The following CDH13 variants were observed in gnomAD, a reference collection of about 807,000 sequenced individuals.
The protein encoded by CDH13 is cadherin 13.
CDH13 carries 24 observed loss-of-function variants against 63.8 expected under a neutral mutation model. The ratio of observed to expected loss-of-function variants is 0.38; its 90% CI spans 0.27 to 0.53. CDH13 has a LOEUF of 0.53. CDH13 is among the 20% of genes least tolerant of loss of function. The pLI is 0.85. For missense variants in CDH13, 1,049 were observed against 903.1 expected (o/e 1.16, Z -2.07); for synonymous variants, 503 against 355.3 (o/e 1.42, Z -4.67).
intron 8 of CDH13, among the ~76,000 whole-genome samples, chr16:83,603,039 A>G (rs553356392): frequency 7.9e-5 from 12 of 152,350 alleles, no homozygotes; most frequent in South Asian, 6.2e-4. Context: ...GAGCTTATAA[A>G]TAACAACAAA....
chr16:82,978,767 G>A (rs969722365), intron 2 of CDH13, among the ~76,000 whole-genome samples: 12 of 152,258 alleles, frequency 7.9e-5, no homozygotes, highest in Non-Finnish European at 1.5e-4. Flanking sequence ...GAGCAGTGCA[G>A]AAGGGAAATA....
chr16:82,714,394 A>C (rs994428013), intron 1 of CDH13, among the ~76,000 whole-genome samples: 1 of 152,162 alleles, frequency 6.6e-6, no homozygotes, highest in Non-Finnish European at 1.5e-5. Context: ...GGAAGAAGCT[A>C]ATCTACTGTT....
At chr16:82,691,691 G>A (rs1361067570) in intron 1 of CDH13, among the ~76,000 whole-genome samples, 2 of 152,202 alleles carry the variant, frequency 1.3e-5, no homozygotes, top group African/African-American at 4.8e-5. Context: ...GAAGCTGACT[G>A]TGATAACCTT....
intron 1 of CDH13, among the ~76,000 whole-genome samples, chr16:82,830,106 T>G (rs2038461751): frequency 6.6e-6 from 1 of 152,114 alleles, no homozygotes; most frequent in South Asian, 2.1e-4. Context: ...TTCCCCCAGA[T>G]GAGGGAGCAA....
chr16:83,153,743 A>T (rs530869787), intron 4 of CDH13, among the ~76,000 whole-genome samples: 4 of 152,328 alleles, frequency 2.6e-5, no homozygotes, highest in African/African-American at 9.6e-5. Flanking sequence ...CCCTGGCATT[A>T]CCTTGATCTC....
At chr16:82,669,029 C>T (rs1170692820) in intron 1 of CDH13, among the ~76,000 whole-genome samples, 1 of 152,222 alleles carries the variant, frequency 6.6e-6, no homozygotes, top group Non-Finnish European at 1.5e-5. Flanking sequence ...TTGCCATCCA[C>T]ATCCGAGGGA....
chr16:82,926,271 A>G (rs553951288), intron 2 of CDH13, among the ~76,000 whole-genome samples: 2 of 152,006 alleles, frequency 1.3e-5, no homozygotes, highest in South Asian at 2.1e-4. Flanking sequence ...GTGTTCCAGT[A>G]AAACGTTATT....
At chr16:83,391,434 G>A (rs912377763) in intron 6 of CDH13, among the ~76,000 whole-genome samples, 10 of 151,956 alleles carry the variant, frequency 6.6e-5, no homozygotes, top group African/African-American at 1.5e-4. Flanking sequence ...TCGAACTCCC[G>A]ACCTCGTGAT....
chr16:83,322,530 G>T (rs1279957149), intron 5 of CDH13, among the ~76,000 whole-genome samples: 2 of 152,110 alleles, frequency 1.3e-5, no homozygotes, highest in Non-Finnish European at 2.9e-5. Context: ...GGGAGACAGA[G>T]ACAAAGCCAT....
At chr16:82,878,056 G>A (rs1049961311) in intron 2 of CDH13, among the ~76,000 whole-genome samples, 3 of 151,854 alleles carry the variant, frequency 2.0e-5, no homozygotes, top group Non-Finnish European at 2.9e-5. Flanking sequence ...AAATACATAT[G>A]TGCAGCTTTG....
chr16:82,710,085 A>G (rs1389198972), intron 1 of CDH13, among the ~76,000 whole-genome samples: 1 of 149,574 alleles, frequency 6.7e-6, no homozygotes, highest in Non-Finnish European at 1.5e-5. Context: ...TACACACAAT[A>G]CTTATATGTA....
chr16:82,650,932 G>A (rs575550780), intron 1 of CDH13, among the ~76,000 whole-genome samples: 1 of 152,276 alleles, frequency 6.6e-6, no homozygotes, highest in Admixed American at 6.5e-5. Flanking sequence ...GGTGAAGTTG[G>A]GGTTTGAAAT....
At position 83,426,273 on chromosome 16, in the gene CDH13, C is replaced by T. The variant is rs987267288; in HGVS notation, c.782-60204C>T. Among the ~76,000 whole-genome samples the T allele has an allele frequency of 7.1e-4, 108 of 152,264 alleles. 1 individual carries two copies. Among genetic ancestry groups the T allele is most frequent in the African/African-American group, 2.3e-3 (97 of 41,548 alleles). On this transcript the variant is annotated intron_variant, in intron 6 of 13. Coordinates refer to ENST00000567109, the MANE Select transcript of CDH13 (RefSeq NM_001257.5). ...CTGGTTCAGTTTTCCTGTCTCCTTTCAGCATTTGAGTGATTTCTGCATCCG... is the reference window on the plus strand; with the variant it reads ...CTGGTTCAGTTTTCCTGTCTCCTTTTAGCATTTGAGTGATTTCTGCATCCG...
intron 2 of CDH13, among the ~76,000 whole-genome samples, chr16:83,001,631 A>T (rs972500854): frequency 5.9e-5 from 9 of 152,226 alleles, no homozygotes; most frequent in Non-Finnish European, 1.2e-4. Flanking sequence ...ATGTTAATGG[A>T]TGTGCCACTC....
intron 1 of CDH13, among the ~76,000 whole-genome samples, chr16:82,660,694 T>G (rs996760822): frequency 2.6e-5 from 4 of 152,188 alleles, no homozygotes; most frequent in African/African-American, 7.2e-5. Flanking sequence ...ACATAAATTA[T>G]GTATATACAT....
chr16:83,124,667 A>G lies in CDH13; in HGVS notation c.367-718A>G, dbSNP rs542179233. ...GGTCTTATGTTTAGGTCTTTAATCCATCTTGAGTTAATTTTTGTATATGGT... is the reference window on the plus strand; with the variant it reads ...GGTCTTATGTTTAGGTCTTTAATCCGTCTTGAGTTAATTTTTGTATATGGT... On this transcript the variant is annotated intron_variant, in intron 3 of 13. Coordinates refer to ENST00000567109, the MANE Select transcript of CDH13 (RefSeq NM_001257.5). Among the ~76,000 whole-genome samples the G allele has an allele frequency of 7.2e-5, 11 of 152,152 alleles. No homozygotes were observed. In the South Asian group the frequency reaches 2.3e-3, roughly 32 times the overall value.
chr16:82,846,565 C>T (rs769236853), intron 1 of CDH13, among the ~76,000 whole-genome samples: 5 of 152,118 alleles, frequency 3.3e-5, no homozygotes, highest in African/African-American at 4.8e-5. Flanking sequence ...CACATAGAAA[C>T]TAACTGGAAA....
intron 9 of CDH13, among the ~76,000 whole-genome samples, chr16:83,674,366 A>G (rs1457001929): frequency 6.6e-6 from 1 of 152,160 alleles, no homozygotes; most frequent in Non-Finnish European, 1.5e-5. Context: ...CTGCATCCTA[A>G]TGCAGGAAAC....
At chr16:83,262,701 T>C (rs1907137659) in intron 5 of CDH13, among the ~76,000 whole-genome samples, 1 of 152,104 alleles carries the variant, frequency 6.6e-6, no homozygotes, top group South Asian at 2.1e-4. Context: ...AGGGAAAGGG[T>C]TTCCTTAAAA....
Sources: gnomAD v4.1 joint callset for allele counts (sites outside exome capture counted in the v4.1 genomes callset) on GRCh38, gnomAD v4.1.1 for gene constraint, MANE v1.5 for transcripts, NCBI Gene and HGNC (gene_info 2026-07-23, HGNC 2026-07-21) for gene names.